LSR: variants seen among roughly 807,000 people sequenced by gnomAD.
LSR encodes lipolysis-stimulated lipoprotein receptor.
Under a neutral mutation model 61.8 loss-of-function variants are expected in LSR, and 44 were observed. The observed-to-expected ratio is 0.71, with a 90% CI of 0.56 to 0.91. The LOEUF is 0.91. Ranked by LOEUF, LSR falls within the 40% of genes least tolerant of loss-of-function variation. The pLI, the probability that LSR is intolerant of heterozygous loss-of-function variation, is 0.00. For missense variants in LSR, 911 were observed against 830.5 expected, an observed-to-expected ratio of 1.10 and a Z score of -1.19; for synonymous variants, 397 against 350.6, an observed-to-expected ratio of 1.13 and a Z score of -1.48.
Position 35,267,294 on chromosome 19 carries a change from C to G in LSR, c.1330C>G (p.Arg444Gly). ...GGWRARRPRA[R>G]SVDALDDLTP... ...CTGGCGGGCCAGGCGGCCCCGGGCC[C>G]GCTCCGTGGACGCCCTGGACGACCT... is the stretch of plus-strand genomic sequence containing the variant. The change falls in exon 9 of 10, where the codon CGC (arginine) becomes GGC (glycine). Residue 444 changes from arginine (R) to glycine (G), a missense_variant. Transcript: ENST00000605618. 1 of 1,536,036 alleles carries G rather than the reference C, an allele frequency of 6.5e-7. No homozygotes were observed. The highest frequency in any genetic ancestry group is 8.8e-7 in the Non-Finnish European group (1 of 1,140,266).
intron 2 of LSR, among the ~76,000 whole-genome samples, chr19:35,252,433 G>A (rs2065805917): frequency 6.6e-6 from 1 of 151,770 alleles, no homozygotes; most frequent in African/African-American, 2.4e-5. Context: ...TGGATCACCT[G>A]AGGTCAGGAG....
intron 3 of LSR, among the ~76,000 whole-genome samples, chr19:35,261,032 C>T (rs934830715): frequency 9.9e-5 from 15 of 152,256 alleles, no homozygotes; most frequent in African/African-American, 3.4e-4. Context: ...TGACATGCCT[C>T]TGTCCTGTTG....
At position 35,267,307 on chromosome 19, in the gene LSR, C is replaced by A; in HGVS notation, c.1343C>A (p.Ala448Asp). The A allele has an allele frequency of 6.5e-7, 1 of 1,549,912 alleles. No individual in the cohort carries two copies. Among genetic ancestry groups the A allele is most frequent in the African/African-American group, 1.4e-5 (1 of 73,486 alleles). The change falls in exon 9 of 10, where the codon GCC becomes GAC. Residue 448 changes from alanine (A) to aspartate (D), a missense_variant. Coordinates refer to ENST00000605618, the MANE Select transcript of LSR (RefSeq NM_205834.4). ...CGGCCCCGGGCCCGCTCCGTGGACG[C>A]CCTGGACGACCTCACCCCGCCGAGC... is the stretch of plus-strand genomic sequence containing the variant. ...ARRPRARSVD[A>D]LDDLTPPSTA...
chr19:35,265,376 C>A (rs1715429342), intron 5 of LSR, among the ~76,000 whole-genome samples: 1 of 152,234 alleles, frequency 6.6e-6, no homozygotes. Flanking sequence ...CTGGCAGAGG[C>A]CCTGTTACAT....
At chr19:35,257,304 G>A (rs1185467521) in intron 2 of LSR, among the ~76,000 whole-genome samples, 1 of 152,192 alleles carries the variant, frequency 6.6e-6, no homozygotes, top group Non-Finnish European at 1.5e-5. Flanking sequence ...GGGTGGGGGA[G>A]CCGTGGGAGA....
Position 35,266,347 on chromosome 19 carries a change from G to T in LSR, c.779-12G>T. ...CCTCATCCCCCTTCTCCTGTTGATT[G>T]TGTCCTCACAGTGTATGCCGCCGGC... On this transcript the variant is annotated splice_polypyrimidine_tract_variant and intron_variant, in intron 5 of 9. Transcript: ENST00000605618. The T allele has an allele frequency of 6.4e-7, 1 of 1,556,244 alleles. No homozygotes were observed. Among genetic ancestry groups the T allele is most frequent in the Non-Finnish European group, 8.7e-7 (1 of 1,148,514 alleles).
intron 2 of LSR, among the ~76,000 whole-genome samples, chr19:35,252,164 A>T (rs1245987449): frequency 1.3e-5 from 2 of 151,810 alleles, no homozygotes; most frequent in Non-Finnish European, 2.9e-5. Flanking sequence ...CTGCCTCCTG[A>T]TAGGATGTGC....
intron 3 of LSR, 157 bp downstream of exon 3, chr19:35,259,221 C>A: frequency 1.1e-6 from 1 of 911,400 alleles, no homozygotes; most frequent in Non-Finnish European, 1.6e-6. Context: ...CTTAGGCTCC[C>A]CTGTGCCCTG....
At chr19:35,264,850 T>C (rs1361911071) in intron 5 of LSR, 1 of 152,082 alleles carries the variant, frequency 6.6e-6, no homozygotes, top group East Asian at 1.9e-4. Flanking sequence ...CTATATAAAA[T>C]ATTCTACGTC....
intron 5 of LSR, 115 bp from the exon 6 acceptor site, chr19:35,266,244 C>T (rs982811188): frequency 2.3e-5 from 18 of 766,290 alleles, no homozygotes; most frequent in African/African-American, 2.1e-4. Context: ...AGCTCTACAG[C>T]GGAGAGGACG....
chr19:35,255,958 C>A (rs1275193214), intron 2 of LSR, among the ~76,000 whole-genome samples: 1 of 151,146 alleles, frequency 6.6e-6, no homozygotes, highest in Non-Finnish European at 1.5e-5. Flanking sequence ...TCAGGCCTAG[C>A]GAGGTGGCTC....
At chr19:35,254,526 C>G (rs1219771415) in intron 2 of LSR, among the ~76,000 whole-genome samples, 1 of 152,234 alleles carries the variant, frequency 6.6e-6, no homozygotes, top group Non-Finnish European at 1.5e-5. Context: ...AGCACCTGGA[C>G]AGGAGGCCCT....
intron 5 of LSR, among the ~76,000 whole-genome samples, chr19:35,265,813 AC>A (rs1168391002): frequency 8.8e-6 from 1 of 114,044 alleles, no homozygotes; most frequent in Non-Finnish European, 2.1e-5. Flanking sequence ...CTGGAAGGTG[AC>A]CAGGTGGGCA....
chr19:35,254,419 T>C (rs1287485476), intron 2 of LSR, among the ~76,000 whole-genome samples: 2 of 152,086 alleles, frequency 1.3e-5, no homozygotes, highest in East Asian at 1.9e-4. Context: ...AAAGTGAAAA[T>C]AGTCCTGGAT....
chr19:35,251,843 C>CT (rs778452878), intron 2 of LSR: 3 of 121,618 alleles, frequency 2.5e-5, no homozygotes, highest in Admixed American at 9.0e-5. Context: ...GAACCTTGTT[C>CT]TTTTTTTTTG....
intron 2 of LSR, among the ~76,000 whole-genome samples, chr19:35,257,063 C>T (rs2065865286): frequency 6.6e-6 from 1 of 152,118 alleles, no homozygotes; most frequent in South Asian, 2.1e-4. Flanking sequence ...GTCTGGAACT[C>T]CTGACCTCAA....
chr19:35,266,328 C>A (rs759373110), intron 5 of LSR, 31 bp from the exon 6 acceptor site: 1 of 1,527,968 alleles, frequency 6.5e-7, no homozygotes. Context: ...CCTGCCTCAT[C>A]CCCCTTCTCC....
intron 2 of LSR, among the ~76,000 whole-genome samples, chr19:35,257,412 T>C (rs1648878321): frequency 6.6e-6 from 1 of 152,120 alleles, no homozygotes; most frequent in South Asian, 2.1e-4. Flanking sequence ...CCAAGGGCCT[T>C]GGGGACCATG....
At position 35,267,354 on chromosome 19, in the gene LSR, T is replaced by C; in HGVS notation, c.1390T>C (p.Ser464Pro). 1 of 1,551,886 alleles carries C rather than the reference T, an allele frequency of 6.4e-7. No homozygotes were observed. The highest frequency in any genetic ancestry group is 1.2e-5 in the South Asian group (1 of 86,836). ...PPSTAESGSR[S>P]PTSNGGRSRA... Reference sequence around the variant, plus strand: ...GAGCACCGCCGAGTCAGGGAGCAGGTCTCCCACGAGTAATGGTGGGAGAAG... The same window carrying C: ...GAGCACCGCCGAGTCAGGGAGCAGGCCTCCCACGAGTAATGGTGGGAGAAG... The change falls in exon 9 of 10, where the codon TCT becomes CCT. Residue 464 changes from serine to proline, a missense_variant. Coordinates refer to ENST00000605618, the MANE Select transcript of LSR (RefSeq NM_205834.4).
Sources: gnomAD v4.1 joint callset for allele counts (sites outside exome capture counted in the v4.1 genomes callset) on GRCh38, gnomAD v4.1.1 for gene constraint, MANE v1.5 for transcripts, NCBI Gene and HGNC (gene_info 2026-07-23, HGNC 2026-07-21) for gene names.